Variants in MYO16 observed in about 807,000 individuals in gnomAD.
MYO16 encodes the protein myosin XVI.
MYO16 carries 94 observed loss-of-function variants against 205.3 expected under a neutral mutation model. The ratio of observed to expected loss-of-function variants is 0.46; its 90% CI spans 0.39 to 0.54. MYO16 has a LOEUF of 0.54. Ranked by LOEUF, MYO16 falls within the 20% of genes least tolerant of loss-of-function variation. The probability of loss-of-function intolerance (pLI) is 0.00; values close to 1 mark genes in which losing one functional copy is unlikely to be tolerated. For missense variants in MYO16, 2,315 were observed against 2,387.5 expected, an observed-to-expected ratio of 0.97 and a Z score of 0.63; for synonymous variants, 988 against 954.0, an observed-to-expected ratio of 1.04 and a Z score of -0.66.
intron 3 of MYO16, among the ~76,000 whole-genome samples, chr13:108,721,344 A>G (rs1234265810): frequency 6.6e-6 from 1 of 152,192 alleles, no homozygotes; most frequent in African/African-American, 2.4e-5. Context: ...CCAGAATTTA[A>G]TATTTCAGAG....
intron 1 of MYO16, among the ~76,000 whole-genome samples, chr13:108,624,519 A>G (rs1021298810): frequency 5.3e-5 from 8 of 152,212 alleles, no homozygotes; most frequent in African/African-American, 1.9e-4. Context: ...TAAGATATGC[A>G]AACTTTTGTC....
intron 22 of MYO16, among the ~76,000 whole-genome samples, chr13:109,017,525 G>A (rs568755744): frequency 5.9e-5 from 9 of 152,138 alleles, no homozygotes; most frequent in Non-Finnish European, 1.0e-4. Context: ...TTGCTCGGTT[G>A]GGGAAGTTCT....
chr13:109,079,507 T>C (rs9559486), intron 27 of MYO16, among the ~76,000 whole-genome samples: 88,178 of 151,742 alleles, frequency 0.58, 25,797 homozygotes, highest in Admixed American at 0.62. Flanking sequence ...AGCGAATTCA[T>C]GCAGGAACAG....
the MYO16 span, among the ~76,000 whole-genome samples, chr13:108,555,048 G>A: frequency 1.3e-5 from 2 of 152,018 alleles, no homozygotes; most frequent in Non-Finnish European, 2.9e-5. Context: ...TTAATAAGTA[G>A]TCATTAATCG....
At chr13:108,696,346 T>C (rs1032928037) in intron 2 of MYO16, among the ~76,000 whole-genome samples, 6 of 152,156 alleles carry the variant, frequency 3.9e-5, no homozygotes, top group Admixed American at 6.5e-5. Context: ...TGTCTACCAA[T>C]GGGGAATTGG....
Position 108,610,190 on chromosome 13 carries a change from G to A in MYO16, c.-39+13951G>A, listed in dbSNP as rs147275476. ...AACAGTAGTACAGAGTTTGTAGGAT[G>A]AGGAGGTGGCAAGGATTAAAGGAGA... On this transcript the variant is annotated intron_variant, in intron 1 of 24. Transcript: ENST00000251041. 5.6e-3 allele frequency among the ~76,000 whole-genome samples: 846 copies of A among 152,246 alleles called. 12 individuals carry two copies. Among genetic ancestry groups the A allele is most frequent in the African/African-American group, 0.019 (810 of 41,542 alleles).
Position 108,662,273 on chromosome 13 carries a change from G to C in MYO16, c.29-3613G>C, listed in dbSNP as rs1265274848. On this transcript the variant is annotated intron_variant, in intron 1 of 34. Transcript: ENST00000457511. ...TGTGCTGGTTGGCCTCCTGCCAGGAGGTGGCATTTTCCAGAAAGCATCAGC... is the reference window on the plus strand; with the variant it reads ...TGTGCTGGTTGGCCTCCTGCCAGGACGTGGCATTTTCCAGAAAGCATCAGC... 3.3e-5 allele frequency among the ~76,000 whole-genome samples: 5 copies of C among 152,222 alleles called. No individual in the cohort carries two copies. The East Asian group carries it at 9.6e-4, about 29-fold the overall frequency.
chr13:108,858,525 C>G (rs186294937), intron 11 of MYO16, among the ~76,000 whole-genome samples: 1 of 152,086 alleles, frequency 6.6e-6, no homozygotes, highest in Admixed American at 6.6e-5. Flanking sequence ...CCTTCCACAC[C>G]CCACATCTGA....
chr13:108,815,642 G>T (rs991144656), intron 7 of MYO16, among the ~76,000 whole-genome samples: 7 of 152,152 alleles, frequency 4.6e-5, no homozygotes, highest in African/African-American at 1.7e-4. Flanking sequence ...CTGACCTACA[G>T]AATTGTAAGG....
chr13:108,827,992 T>A (rs1236453522), intron 9 of MYO16, among the ~76,000 whole-genome samples: 1 of 152,158 alleles, frequency 6.6e-6, no homozygotes, highest in Non-Finnish European at 1.5e-5. Flanking sequence ...TGAAAGGGTT[T>A]TTTTTACTTA....
rs75172194 is a variant in MYO16, at chr13:108,873,450, G to A, written c.1425+7208G>A. Among the ~76,000 whole-genome samples the A allele has an allele frequency of 0.021, 3,187 of 152,264 alleles. 213 individuals carry two copies. The East Asian group carries it at 0.22, about 10-fold the overall frequency. On this transcript the variant is annotated intron_variant, in intron 12 of 34. Transcript: ENST00000457511. ...ACACTCTTGAGGCAAACTTCATTTC[G>A]AGACTGATGTCTACACAAGGCGGCA...
intron 27 of MYO16, among the ~76,000 whole-genome samples, chr13:109,070,779 T>A (rs1443983827): frequency 6.6e-6 from 1 of 152,240 alleles, no homozygotes; most frequent in Non-Finnish European, 1.5e-5. Context: ...CTTTGTTAAC[T>A]GACAGCATTC....
At chr13:108,874,796 G>T (rs754885128) in intron 12 of MYO16, among the ~76,000 whole-genome samples, 5 of 151,316 alleles carry the variant, frequency 3.3e-5, no homozygotes, top group Non-Finnish European at 5.9e-5. Context: ...CTATACATAG[G>T]TATACAGTTC....
intron 7 of MYO16, among the ~76,000 whole-genome samples, chr13:108,816,620 C>A (rs953891264): frequency 4.6e-5 from 7 of 152,140 alleles, no homozygotes; most frequent in African/African-American, 1.7e-4. Flanking sequence ...AAGAATGTCA[C>A]CTGATAATTA....
chr13:108,611,325 A>C (rs117211822), intron 1 of MYO16, among the ~76,000 whole-genome samples: 1 of 152,228 alleles, frequency 6.6e-6, no homozygotes, highest in Non-Finnish European at 1.5e-5. Context: ...AATCAAATTA[A>C]TCATTTTAAA....
upstream of MYO16, among the ~76,000 whole-genome samples, chr13:108,626,676 T>C (rs1034461109): frequency 2.6e-5 from 4 of 151,676 alleles, no homozygotes; most frequent in African/African-American, 4.8e-5. Flanking sequence ...TGGTAGTGGG[T>C]GCCTGTAATT....
chr13:108,704,893 G>T (rs1040372278), intron 2 of MYO16, among the ~76,000 whole-genome samples: 2 of 150,798 alleles, frequency 1.3e-5, no homozygotes, highest in Non-Finnish European at 1.5e-5. Context: ...CCAAAACTTG[G>T]CTCTTTGAAA....
At chr13:108,838,680 T>A (rs7334974) in intron 9 of MYO16, among the ~76,000 whole-genome samples, 34 of 111,994 alleles carry the variant, frequency 3.0e-4, no homozygotes, top group African/African-American at 1.1e-3. Flanking sequence ...AAAAAAAAAA[T>A]ATATATATAT....
At chr13:109,199,586 G>A (rs923985487) in intron 34 of MYO16, among the ~76,000 whole-genome samples, 1 of 152,266 alleles carries the variant, frequency 6.6e-6, no homozygotes, top group South Asian at 2.1e-4. Context: ...TGAGCTTTAA[G>A]TTAAAAGATA....
Sources: allele counts gnomAD v4.1 joint callset (sites outside exome capture counted in the v4.1 genomes callset), GRCh38; gene constraint gnomAD v4.1.1; transcripts MANE v1.5; gene names NCBI Gene and HGNC (gene_info 2026-07-23, HGNC 2026-07-21).